The following STK3 variants were observed in gnomAD, a reference collection of about 807,000 sequenced individuals.
The protein encoded by STK3 is serine/threonine-protein kinase 3.
Under a neutral mutation model 58.0 loss-of-function variants are expected in STK3, and 41 were observed. The ratio of observed to expected loss-of-function variants is 0.71; its 90% CI spans 0.55 to 0.92. The LOEUF (loss-of-function observed/expected upper bound fraction) is 0.92, where lower values mean the gene tolerates loss of function less well. STK3 is among the 40% of genes least tolerant of loss of function. The probability of loss-of-function intolerance (pLI) is 0.00; values close to 1 mark genes in which losing one functional copy is unlikely to be tolerated. For missense variants in STK3, 479 were observed against 602.7 expected, an observed-to-expected ratio of 0.79 and a Z score of 2.15; for synonymous variants, 170 against 191.0, an observed-to-expected ratio of 0.89 and a Z score of 0.91.
the STK3 span, among the ~76,000 whole-genome samples, chr8:98,363,067 C>T: frequency 1.3e-5 from 2 of 152,226 alleles, no homozygotes; most frequent in Non-Finnish European, 2.9e-5. Context: ...ATACTCCACC[C>T]TCTTCACAAA....
intron 3 of STK3, among the ~76,000 whole-genome samples, chr8:98,396,240 C>T (rs1343590060): frequency 6.6e-6 from 1 of 152,214 alleles, no homozygotes; most frequent in Non-Finnish European, 1.5e-5. Flanking sequence ...AGTTTATTTG[C>T]TCAGGACTCA....
intron 1 of STK3, among the ~76,000 whole-genome samples, chr8:98,916,163 C>T (rs1839340871): frequency 1.3e-5 from 2 of 152,216 alleles, no homozygotes; most frequent in South Asian, 4.1e-4. Flanking sequence ...GCCTGTAATC[C>T]CAGAAATTTG....
chr8:98,840,628 T>TATATACAC (rs1477381215), intron 3 of STK3, among the ~76,000 whole-genome samples: 5 of 114,468 alleles, frequency 4.4e-5, no homozygotes, highest in Admixed American at 1.8e-4. Context: ...TATATATATA[T>TATATACAC]ACACACACAT....
chr8:98,806,377 A>C (rs1833886313), intron 1 of STK3, among the ~76,000 whole-genome samples: 1 of 152,214 alleles, frequency 6.6e-6, no homozygotes, highest in Non-Finnish European at 1.5e-5. Flanking sequence ...TTGCTACCAC[A>C]GCAATAAAAA....
chr8:98,649,521 C>T (rs1820706037), intron 6 of STK3, among the ~76,000 whole-genome samples: 1 of 152,140 alleles, frequency 6.6e-6, no homozygotes, highest in South Asian at 2.1e-4. Flanking sequence ...ATTCAATTTT[C>T]TTTCAGATGA....
At chr8:98,347,523 A>AT in the STK3 span, among the ~76,000 whole-genome samples, 6 of 142,148 alleles carry the variant, frequency 4.2e-5, no homozygotes, top group African/African-American at 1.5e-4. Context: ...TCAAAAAAAA[A>AT]CAAAAAAAAC....
intron 10 of STK3, among the ~76,000 whole-genome samples, chr8:98,501,673 ATT>A (rs1283433093): frequency 6.6e-6 from 1 of 152,080 alleles, no homozygotes; most frequent in Non-Finnish European, 1.5e-5. Context: ...TCCTTTCCCG[ATT>A]TCTTGTTTTC....
rs559002030 is a variant in STK3, at chr8:98,910,380, C to T, written c.-78-26546G>A. Among the ~76,000 whole-genome samples the T allele has an allele frequency of 2.6e-5, 4 of 152,190 alleles. No individual in the cohort carries two copies. In the South Asian group the frequency reaches 8.3e-4, roughly 32 times the overall value. On this transcript the variant is annotated intron_variant, in intron 1 of 1. Coordinates refer to the STK3 transcript ENST00000519420. ...GACTCCATATTAAGTTTTTTAGTAA[C>T]TTTTAAATATTCCAGCAGATGAGCT...
intron 10 of STK3, among the ~76,000 whole-genome samples, chr8:98,514,940 A>G (rs1313968744): frequency 6.6e-6 from 1 of 152,012 alleles, no homozygotes; most frequent in Non-Finnish European, 1.5e-5. Context: ...CTTTATCTCA[A>G]ACAATAGCAA....
In STK3 at chr8:98,894,965, TA is replaced by T. The variant is rs201583442; in HGVS notation, c.-78-11132del. Among the ~76,000 whole-genome samples, 407 of 152,310 alleles carry T rather than the reference TA, an allele frequency of 2.7e-3. 9 individuals are homozygous for T. The highest frequency in any genetic ancestry group is 0.021 in the Admixed American group (328 of 15,284). On this transcript the variant is annotated intron_variant, in intron 1 of 1. Transcript: ENST00000519420. ...TCATTGAGTACCTTTTAGTACCAAG[TA>T]CTAAGTGAGGTGCTTGGGGATTCTA...
intron 3 of STK3, chr8:98,431,460 G>A (rs1254215585): frequency 6.0e-6 from 1 of 167,098 alleles, no homozygotes; most frequent in African/African-American, 2.4e-5. Flanking sequence ...AGATTTGGCT[G>A]GTGCTTCCAG....
chr8:98,623,228 AAG>A lies in STK3; in HGVS notation c.685-27061_685-27060del, dbSNP rs762476994. On this transcript the variant is annotated intron_variant, in intron 6 of 10. Coordinates refer to ENST00000419617, the MANE Select transcript of STK3 (RefSeq NM_006281.4). The stretch of plus-strand genomic sequence containing the variant: ...AATAAAGGGAAGGAAGAAAGGAAGA[AAG>A]AGAGGGGGAAAAAAGACATAAAGGA... 1.1e-4 allele frequency among the ~76,000 whole-genome samples: 16 copies of A among 152,116 alleles called. No individual in the cohort carries two copies. In the East Asian group the frequency reaches 2.5e-3, roughly 24 times the overall value.
At chr8:98,457,098 A>C (rs946381285) in intron 10 of STK3, among the ~76,000 whole-genome samples, 3 of 152,240 alleles carry the variant, frequency 2.0e-5, no homozygotes, top group African/African-American at 7.2e-5. Flanking sequence ...ACTTCGGTGC[A>C]TAAGAAGTTC....
chr8:98,723,605 T>C (rs1827594115), intron 4 of STK3, among the ~76,000 whole-genome samples: 1 of 152,116 alleles, frequency 6.6e-6, no homozygotes, highest in Non-Finnish European at 1.5e-5. Flanking sequence ...TTCTAATAAG[T>C]CTTTCGCAAT....
intron 1 of STK3, among the ~76,000 whole-genome samples, chr8:98,824,023 T>C (rs1209313246): frequency 6.6e-6 from 1 of 152,222 alleles, no homozygotes; most frequent in Non-Finnish European, 1.5e-5. Flanking sequence ...TTAGGATTAA[T>C]GCCTATAATC....
chr8:98,852,849 A>G (rs1174374392), intron 3 of STK3, among the ~76,000 whole-genome samples: 1 of 152,234 alleles, frequency 6.6e-6, no homozygotes, highest in Non-Finnish European at 1.5e-5. Context: ...CATTTTTTCC[A>G]GATACACATC....
At chr8:98,436,189 C>T (rs1037887729) in intron 2 of STK3, among the ~76,000 whole-genome samples, 3 of 152,118 alleles carry the variant, frequency 2.0e-5, no homozygotes, top group Non-Finnish European at 2.9e-5. Flanking sequence ...CTGCTTTTCC[C>T]TCCCATCACC....
chr8:98,869,054 G>GGAAA (rs1405361501), intron 3 of STK3, among the ~76,000 whole-genome samples: 178 of 147,752 alleles, frequency 1.2e-3, no homozygotes, highest in African/African-American at 4.2e-3. Context: ...AAGGAAGGAA[G>GGAAA]GAAGGAAGGA....
chr8:98,620,696 C>G (rs1440448058), intron 6 of STK3, among the ~76,000 whole-genome samples: 1 of 151,038 alleles, frequency 6.6e-6, no homozygotes, highest in Non-Finnish European at 1.5e-5. Flanking sequence ...GAGTAGAAAT[C>G]AATACAATTT....
Sources: gnomAD v4.1 joint callset for allele counts (sites outside exome capture counted in the v4.1 genomes callset) on GRCh38, gnomAD v4.1.1 for gene constraint, MANE v1.5 for transcripts, NCBI Gene and HGNC (gene_info 2026-07-23, HGNC 2026-07-21) for gene names.